Variants in HSF2 observed in about 807,000 individuals in gnomAD.
HSF2 encodes the protein heat shock factor protein 2.
In HSF2, 21 loss-of-function variants were observed where a neutral mutation model predicts 65.0. The observed-to-expected ratio is 0.32, with a 90% CI of 0.23 to 0.47. The LOEUF (loss-of-function observed/expected upper bound fraction) is 0.47, where lower values mean the gene tolerates loss of function less well. HSF2 is among the 20% of genes least tolerant of loss of function. HSF2 has a pLI of 1.00. For synonymous variants in HSF2, 225 were observed against 219.1 expected (o/e 1.03, Z -0.24); for missense variants, 499 against 628.1 (o/e 0.79, Z 2.20).
rs1774055927 is a variant in HSF2, at chr6:122,413,753, C to G, written c.455+104C>G. The G allele has an allele frequency of 5.1e-6, 5 of 975,676 alleles. No homozygotes were observed. In the South Asian group the frequency reaches 6.0e-5, roughly 12 times the overall value. The allele number at this position is 975,676 out of a possible 1,614,324, so 60.4% of individuals were successfully genotyped here. A position where few individuals can be genotyped will look rare whatever the true frequency, so the allele number is the denominator to read the frequency against. On this transcript the variant is annotated intron_variant, in intron 4 of 12. Coordinates refer to ENST00000368455, the MANE Select transcript of HSF2 (RefSeq NM_004506.4). ...GATGTTTTATTGTAAGTACTCAGAT[C>G]ACTTTGTTGAAGCCAAGATCAAAGG...
intron 3 of HSF2, 107 bp downstream of exon 3, chr6:122,412,871 T>C (rs1774033298): frequency 2.0e-6 from 2 of 1,007,888 alleles, no homozygotes; most frequent in Admixed American, 4.5e-5. Flanking sequence ...CTGTTCCTTG[T>C]TGGGATGAAT....
At chr6:122,422,042 AC>A in intron 7 of HSF2, 107 bp from the exon 8 acceptor site, 1 of 723,528 alleles carries the variant, frequency 1.4e-6, no homozygotes, top group South Asian at 1.8e-5. Context: ...TGTTTTGCAT[AC>A]CCCGAGATTC....
chr6:122,418,835 C>G (rs983693139), intron 5 of HSF2, among the ~76,000 whole-genome samples: 1 of 152,080 alleles, frequency 6.6e-6, no homozygotes, highest in Non-Finnish European at 1.5e-5. Context: ...TTTATTTTGC[C>G]TCTGTTACCT....
intron 10 of HSF2, among the ~76,000 whole-genome samples, chr6:122,426,883 T>A (rs1290024118): frequency 6.6e-6 from 1 of 152,034 alleles, no homozygotes; most frequent in Non-Finnish European, 1.5e-5. Context: ...CCTATGTATA[T>A]AACTTATTCA....
At chr6:122,412,013 T>A (rs1774008040) in intron 1 of HSF2, among the ~76,000 whole-genome samples, 1 of 151,946 alleles carries the variant, frequency 6.6e-6, no homozygotes, top group Non-Finnish European at 1.5e-5. Context: ...CTTTTTTTTT[T>A]ATTTTGGTCT....
intron 9 of HSF2, 123 bp from the exon 10 acceptor site, chr6:122,423,458 T>C (rs916822661): frequency 2.0e-6 from 1 of 503,156 alleles, no homozygotes; most frequent in Non-Finnish European, 3.5e-6. Flanking sequence ...CTCTTAAGAT[T>C]AAGAACCGGT....
In HSF2 at chr6:122,432,202, G is replaced by A. The variant is rs1379878609; in HGVS notation, c.1593G>A (p.Met531Ile). The change falls in exon 13 of 13, where the codon ATG becomes ATA. Residue 531 changes from methionine (M) to isoleucine (I), a missense_variant. By Grantham distance (10) the Met-to-Ile change is conservative (BLOSUM62 1). Coordinates refer to ENST00000368455, the MANE Select transcript of HSF2 (RefSeq NM_004506.4). Reference protein sequence around the residue: ...ELAPAPLDSDMPLLDS With the variant: ...ELAPAPLDSDIPLLDS ...CTCCTGCACCTCTGGATAGTGATAT[G>A]CCACTTTTAGATAGCTAAATCCCCA... is the stretch of plus-strand genomic sequence containing the variant. 1.2e-6 allele frequency: 2 copies of A among 1,612,694 alleles called. No homozygotes were observed. The highest frequency in any genetic ancestry group is 2.2e-5 in the East Asian group (1 of 44,842).
intron 1 of HSF2, 89 bp downstream of exon 1, chr6:122,399,919 G>T (rs777775709): frequency 6.5e-5 from 65 of 1,006,676 alleles, no homozygotes; most frequent in Non-Finnish European, 9.7e-5. Context: ...CGGCCTTGCG[G>T]CTCGACGCTG....
chr6:122,424,852 A>G (rs963670207), intron 10 of HSF2, among the ~76,000 whole-genome samples: 1 of 152,030 alleles, frequency 6.6e-6, no homozygotes, highest in South Asian at 2.1e-4. Flanking sequence ...CCATGTTCAA[A>G]TCCTTACAGT....
At chr6:122,426,774 G>A (rs889814323) in intron 10 of HSF2, among the ~76,000 whole-genome samples, 1 of 151,988 alleles carries the variant, frequency 6.6e-6, no homozygotes, top group African/African-American at 2.4e-5. Flanking sequence ...CATTTGGTGT[G>A]TTCATTCTCA....
intron 5 of HSF2, among the ~76,000 whole-genome samples, chr6:122,418,906 T>C (rs1332145306): frequency 1.3e-5 from 2 of 152,198 alleles, no homozygotes; most frequent in Non-Finnish European, 2.9e-5. Context: ...TAGTGTAATC[T>C]TCAAAGTACT....
At chr6:122,406,828 T>TAGTC (rs1773878375) in intron 1 of HSF2, among the ~76,000 whole-genome samples, 1 of 152,112 alleles carries the variant, frequency 6.6e-6, no homozygotes, top group Non-Finnish European at 1.5e-5. Context: ...TGACCATGCC[T>TAGTC]AGTCATATGG....
chr6:122,427,666 C>A lies in HSF2; in HGVS notation c.1177-237C>A, dbSNP rs45441895. Among the ~76,000 whole-genome samples, 332 of 152,008 alleles carry A rather than the reference C, an allele frequency of 2.2e-3. 8 individuals carry two copies. The East Asian group carries it at 0.043, about 20-fold the overall frequency. The stretch of plus-strand genomic sequence containing the variant: ...CACTATTTGTCTCAAGTGATTTACC[C>A]CAATGTTTTTTAGAGAAATTCTTAC... On this transcript the variant is annotated intron_variant, in intron 10 of 12. Coordinates refer to ENST00000368455, the MANE Select transcript of HSF2 (RefSeq NM_004506.4).
At chr6:122,411,013 A>T (rs1773980462) in intron 1 of HSF2, among the ~76,000 whole-genome samples, 3 of 141,764 alleles carry the variant, frequency 2.1e-5, no homozygotes, top group African/African-American at 5.2e-5. Flanking sequence ...TCTTTGTTTA[A>T]TTTTTAAAGG....
At chr6:122,428,527 TAAGG>T (rs1562206517) in intron 11 of HSF2, among the ~76,000 whole-genome samples, 1 of 152,000 alleles carries the variant, frequency 6.6e-6, no homozygotes, top group Non-Finnish European at 1.5e-5. Flanking sequence ...TAATGAGTAG[TAAGG>T]ACAATTTGAA....
rs1376032435 is a variant in HSF2 at position 122,413,652 on chromosome 6, A to G, written c.455+3A>G. Reference sequence around the variant, plus strand: ...TCCAGGCTTTCTGAATTAAAAAGGTAAAGTGTTATTTCCAAATATAATTTT... The same window carrying G: ...TCCAGGCTTTCTGAATTAAAAAGGTGAAGTGTTATTTCCAAATATAATTTT... On this transcript the variant is annotated splice_donor_region_variant and intron_variant, in intron 4 of 12. Coordinates refer to ENST00000368455, the MANE Select transcript of HSF2 (RefSeq NM_004506.4). 8 of 1,600,572 alleles carry G rather than the reference A, an allele frequency of 5.0e-6. No homozygotes were observed. The highest frequency in any genetic ancestry group is 4.4e-5 in the South Asian group (4 of 90,042).
In HSF2 at chr6:122,419,230, GT is replaced by G; in HGVS notation, c.593+2del. On this transcript the variant is annotated splice_donor_variant, in intron 6 of 12. Coordinates refer to ENST00000368455, the MANE Select transcript of HSF2 (RefSeq NM_004506.4). LOFTEE classifies it high-confidence loss of function. Reference sequence around the variant, plus strand: ...AACTTGTGAGTTTAAAACGTAAAAGGTAAGTTTTTATGATAAAGTATTATGT... The same window carrying G: ...AACTTGTGAGTTTAAAACGTAAAAGGAAGTTTTTATGATAAAGTATTATGT... 2 of 1,452,324 alleles carry G rather than the reference GT, an allele frequency of 1.4e-6. No individual in the cohort carries two copies. Among genetic ancestry groups the G allele is most frequent in the Non-Finnish European group, 1.9e-6 (2 of 1,038,882 alleles). 90.0% of individuals were successfully genotyped at this position (1,452,324 alleles called of 1,614,324 possible). A position where few individuals can be genotyped will look rare whatever the true frequency, so the allele number is the denominator to read the frequency against.
At chr6:122,407,654 C>A (rs1773896168) in intron 1 of HSF2, among the ~76,000 whole-genome samples, 1 of 151,852 alleles carries the variant, frequency 6.6e-6, no homozygotes, top group African/African-American at 2.4e-5. Flanking sequence ...TATGTTTTGG[C>A]CATATCTTCC....
chr6:122,404,460 C>CT (rs1283411597), intron 1 of HSF2, among the ~76,000 whole-genome samples: 1 of 152,104 alleles, frequency 6.6e-6, no homozygotes, highest in African/African-American at 2.4e-5. Flanking sequence ...GCTAAAGACT[C>CT]TAAAAGAGTA....
Sources: gnomAD v4.1 joint callset for allele counts (sites outside exome capture counted in the v4.1 genomes callset) on GRCh38, gnomAD v4.1.1 for gene constraint, MANE v1.5 for transcripts, NCBI Gene and HGNC (gene_info 2026-07-23, HGNC 2026-07-21) for gene names.